Variants in ROS1 observed in about 807,000 individuals in gnomAD.
ROS1 encodes the protein proto-oncogene tyrosine-protein kinase ROS.
ROS1 carries 263 observed loss-of-function variants against 273.5 expected under a neutral mutation model. The ratio of observed to expected loss-of-function variants is 0.96; its 90% CI spans 0.87 to 1.06. The LOEUF is 1.06. Among genes scored for constraint, ROS1 ranks in the 50% least tolerant of loss-of-function variants. ROS1 has a pLI of 0.00. For missense variants in ROS1, 2,833 were observed against 2,751.1 expected, an observed-to-expected ratio of 1.03 and a Z score of -0.67; for synonymous variants, 1,008 against 954.1, an observed-to-expected ratio of 1.06 and a Z score of -1.04.
Position 117,425,688 on chromosome 6 carries a change from G to A in ROS1, c.-32C>T, listed in dbSNP as rs149360578. 7.8e-3 allele frequency: 12,541 copies of A among 1,605,410 alleles called. 76 individuals are homozygous for A. The highest frequency in any genetic ancestry group is 8.6e-3 in the South Asian group (765 of 89,308). On this transcript the variant is annotated 5_prime_UTR_variant, in exon 1 of 44. Coordinates refer to ENST00000368507, the MANE Select transcript of ROS1 (RefSeq NM_001378902.1). ...ACCAATGGCAGATTTTTAGATGGCCGGTCTAATTTTCTCCATTTTGCTATA... is the reference window on the plus strand; with the variant it reads ...ACCAATGGCAGATTTTTAGATGGCCAGTCTAATTTTCTCCATTTTGCTATA...
chr6:117,379,402 T>A (rs761516666), intron 17 of ROS1, among the ~76,000 whole-genome samples: 1 of 152,192 alleles, frequency 6.6e-6, no homozygotes, highest in Non-Finnish European at 1.5e-5. Context: ...CACTTTTATA[T>A]ACTTAGCTCC....
intron 27 of ROS1, among the ~76,000 whole-genome samples, chr6:117,351,629 A>G (rs1778876447): frequency 6.6e-6 from 1 of 152,132 alleles, no homozygotes; most frequent in Non-Finnish European, 1.5e-5. Context: ...ATTTCAGCTC[A>G]TGGGTTTTTG....
chr6:117,380,610 G>C (rs1013533575), intron 17 of ROS1, among the ~76,000 whole-genome samples: 1 of 151,802 alleles, frequency 6.6e-6, no homozygotes, highest in Non-Finnish European at 1.5e-5. Context: ...ATTTTAAAAA[G>C]GAGATTCTAC....
intron 22 of ROS1, among the ~76,000 whole-genome samples, chr6:117,362,325 T>C (rs1779870520): frequency 6.6e-6 from 1 of 152,050 alleles, no homozygotes. Context: ...TTTAAACTTT[T>C]TTTTTTAACT....
rs2128649134 is a variant in ROS1 at position 117,359,984 on chromosome 6, G to A, written c.3458C>T (p.Thr1153Ile). ...SEINPFPHLI[T>I]LLGNKIVFLD... ...AAAAACTATCTTGTTACCAAGAAGA[G>A]TTATGAGGTGAGGAAATGGGTTGAT... Residue 1153 changes from threonine (T) to isoleucine (I), a missense_variant, in exon 24 of 44, where the codon ACT (threonine) becomes ATT (isoleucine). Thr to Ile is a moderately conservative substitution (Grantham distance 89). Coordinates refer to ENST00000368507, the MANE Select transcript of ROS1 (RefSeq NM_001378902.1). The A allele has an allele frequency of 6.2e-7, 1 of 1,613,680 alleles. No homozygotes were observed. The highest frequency in any genetic ancestry group is 8.5e-7 in the Non-Finnish European group (1 of 1,179,750).
At chr6:117,295,321 A>C (rs1287010931) in intron 43 of ROS1, among the ~76,000 whole-genome samples, 1 of 152,206 alleles carries the variant, frequency 6.6e-6, no homozygotes, top group Non-Finnish European at 1.5e-5. Flanking sequence ...ATCTCTCTAC[A>C]TATACAAAAA....
At chr6:117,335,330 C>T (rs913749604) in intron 32 of ROS1, among the ~76,000 whole-genome samples, 1 of 152,142 alleles carries the variant, frequency 6.6e-6, no homozygotes, top group African/African-American at 2.4e-5. Flanking sequence ...ATTAAAAAGT[C>T]AGGAAACAAT....
intron 4 of ROS1, among the ~76,000 whole-genome samples, chr6:117,412,030 G>C (rs902780199): frequency 1.2e-4 from 18 of 152,126 alleles, no homozygotes; most frequent in Admixed American, 9.8e-4. Context: ...GCAGAGATTT[G>C]GGCAAAAGCA....
At chr6:117,314,663 T>C (rs1775777315) in intron 39 of ROS1, among the ~76,000 whole-genome samples, 2 of 152,126 alleles carry the variant, frequency 1.3e-5, no homozygotes, top group African/African-American at 4.8e-5. Flanking sequence ...TAAAATTAAA[T>C]GAGAGTCCAC....
rs755291346 is a variant in ROS1 at position 117,383,469 on chromosome 6, C to T, written c.2329G>A (p.Val777Ile). 2.5e-6 allele frequency: 4 copies of T among 1,614,080 alleles called. No individual in the cohort carries two copies. Among genetic ancestry groups the T allele is most frequent in the South Asian group, 1.1e-5 (1 of 91,076 alleles). ...TTCACCAATAGCTTCACGTGGGTAACAATGTCTGTGTGTCCCGTCAACACA... is the reference window on the plus strand; with the variant it reads ...TTCACCAATAGCTTCACGTGGGTAATAATGTCTGTGTGTCCCGTCAACACA... ...QSVLTGHTDI[V>I]THVKLLVNDM... Residue 777 changes from valine to isoleucine, a missense_variant, in exon 17 of 44, where the codon GTT becomes ATT. By Grantham distance (29) the Val-to-Ile change is conservative. Transcript: ENST00000368507.
chr6:117,366,766 G>A (rs1023698677), intron 18 of ROS1, among the ~76,000 whole-genome samples: 14 of 152,008 alleles, frequency 9.2e-5, no homozygotes, highest in African/African-American at 1.9e-4. Context: ...TGACTGCCTC[G>A]GCTTCCCAAA....
chr6:117,409,683 T>G, intron 4 of ROS1, 41 bp from the exon 5 acceptor site: 1 of 1,540,220 alleles, frequency 6.5e-7, no homozygotes, highest in Non-Finnish European at 9.0e-7. Flanking sequence ...GCAGCCTTGA[T>G]ACTGGTTTTG....
intron 39 of ROS1, among the ~76,000 whole-genome samples, chr6:117,316,871 C>T (rs1464474083): frequency 6.6e-6 from 1 of 151,972 alleles, no homozygotes; most frequent in African/African-American, 2.4e-5. Flanking sequence ...CCACGCTATC[C>T]CTGTGCTCCA....
chr6:117,406,387 T>C (rs41444649), intron 5 of ROS1, among the ~76,000 whole-genome samples: 2,488 of 152,228 alleles, frequency 0.016, 58 homozygotes, highest in African/African-American at 0.057. Flanking sequence ...AATAAGGTCT[T>C]AGGATCATGG....
chr6:117,333,493 A>T lies in ROS1; in HGVS notation c.5230+3679T>A, dbSNP rs565598662. On this transcript the variant is annotated intron_variant, in intron 32 of 43. Coordinates refer to ENST00000368507, the MANE Select transcript of ROS1 (RefSeq NM_001378902.1). ...GAGGAATTCCTTCCTAACTCATTTT[A>T]TGAAGCCAGCATCATCCTGATACCA... Among the ~76,000 whole-genome samples the T allele has an allele frequency of 7.9e-5, 12 of 152,356 alleles. No homozygotes were observed. The South Asian group carries it at 2.3e-3, about 29-fold the overall frequency.
At chr6:117,337,897 G>A (rs964321576) in intron 31 of ROS1, among the ~76,000 whole-genome samples, 7 of 151,970 alleles carry the variant, frequency 4.6e-5, no homozygotes, top group African/African-American at 1.7e-4. Flanking sequence ...AGCCTACATA[G>A]CCAAAAGAAG....
chr6:117,397,303 A>G (rs754302871), intron 7 of ROS1, among the ~76,000 whole-genome samples, 187 bp from the exon 8 acceptor site: 2 of 152,174 alleles, frequency 1.3e-5, no homozygotes, highest in Non-Finnish European at 2.9e-5. Flanking sequence ...TCCTTTCCCA[A>G]GAGGCCCTTT....
At chr6:117,330,848 C>T (rs1777030540) in intron 32 of ROS1, among the ~76,000 whole-genome samples, 1 of 152,156 alleles carries the variant, frequency 6.6e-6, no homozygotes, top group South Asian at 2.1e-4. Context: ...TCAGCAGCCT[C>T]AAAGACCACA....
chr6:117,373,035 G>A (rs1051904681), intron 18 of ROS1, among the ~76,000 whole-genome samples: 12 of 152,190 alleles, frequency 7.9e-5, no homozygotes, highest in African/African-American at 2.4e-4. Context: ...GCTGATTGGT[G>A]TATTTGCAAT....
Sources: gnomAD v4.1 joint callset for allele counts (sites outside exome capture counted in the v4.1 genomes callset) on GRCh38, gnomAD v4.1.1 for gene constraint, MANE v1.5 for transcripts, NCBI Gene and HGNC (gene_info 2026-07-23, HGNC 2026-07-21) for gene names.